IMPG1: variants seen among roughly 807,000 people sequenced by gnomAD.
The protein encoded by IMPG1 is interphotoreceptor matrix proteoglycan of 150 kDa.
Under a neutral mutation model 92.0 loss-of-function variants are expected in IMPG1, and 85 were observed. That is an observed-to-expected ratio of 0.92 (90% CI 0.78 to 1.11). The LOEUF is 1.11. Ranked by LOEUF, IMPG1 falls within the 50% of genes least tolerant of loss-of-function variation. The pLI, the probability that IMPG1 is intolerant of heterozygous loss-of-function variation, is 0.00. For synonymous variants in IMPG1, 367 were observed against 334.1 expected, an observed-to-expected ratio of 1.10 and a Z score of -1.08; for missense variants, 1,022 against 956.0, an observed-to-expected ratio of 1.07 and a Z score of -0.91.
chr6:75,928,261 G>T (rs1010492445), intron 15 of IMPG1, among the ~76,000 whole-genome samples: 2 of 151,380 alleles, frequency 1.3e-5, no homozygotes, highest in African/African-American at 4.9e-5. Flanking sequence ...GTGCAATGGC[G>T]TGATCTTGGC....
Position 76,042,123 on chromosome 6 carries a change from A to T in IMPG1, c.71T>A (p.Ile24Asn), listed in dbSNP as rs751369259. The change falls in exon 2 of 17, where the codon ATC becomes AAC. Residue 24 changes from isoleucine (I) to asparagine (N), a missense_variant. By Grantham distance (149) the Ile-to-Asn change is moderately radical. Transcript: ENST00000369950. Reference sequence around the variant, plus strand: ...TTCAGAATGGTATATGTTAATGGAGATATCTGTAAAAGAAAGATTGATATC... The same window carrying T: ...TTCAGAATGGTATATGTTAATGGAGTTATCTGTAAAAGAAAGATTGATATC... Reference protein sequence around the residue: ...IFLQVQGTKDISINIYHSETK... With the variant: ...IFLQVQGTKDNSINIYHSETK... 2 of 1,468,038 alleles carry T rather than the reference A, an allele frequency of 1.4e-6. No homozygotes were observed. Among genetic ancestry groups the T allele is most frequent in the Non-Finnish European group, 9.5e-7 (1 of 1,047,516 alleles). 90.9% of individuals were successfully genotyped at this position (1,468,038 alleles called of 1,614,324 possible). A position where few individuals can be genotyped will look rare whatever the true frequency, so the allele number is the denominator to read the frequency against.
At position 75,965,606 on chromosome 6, in the gene IMPG1, C is replaced by CTTTTTT. The variant is rs35490140; in HGVS notation, c.1292-14518_1292-14513dup. ...TGTTTATATTTTCTACATACTTGTT[C>CTTTTTT]TTTTTTTTTTTTTTTTTTTGAGACG... is the stretch of plus-strand genomic sequence containing the variant. On this transcript the variant is annotated intron_variant, in intron 12 of 16. Transcript: ENST00000369950. Among the ~76,000 whole-genome samples the CTTTTTT allele has an allele frequency of 4.4e-4, 50 of 112,494 alleles. 2 individuals are homozygous for CTTTTTT. The highest frequency in any genetic ancestry group is 5.7e-4 in the Admixed American group (5 of 8,774). 73.8% of individuals were successfully genotyped at this position (112,494 alleles called of 152,430 possible).
At chr6:76,055,496 A>T (rs1784106134) in intron 1 of IMPG1, among the ~76,000 whole-genome samples, 1 of 151,630 alleles carries the variant, frequency 6.6e-6, no homozygotes, top group Non-Finnish European at 1.5e-5. Context: ...ATCTTAAAAG[A>T]GTGGTGTAAG....
chr6:76,025,461 AATGGTTATGTTTG>A (rs1783508663), intron 4 of IMPG1, among the ~76,000 whole-genome samples: 2 of 152,262 alleles, frequency 1.3e-5, no homozygotes, highest in South Asian at 4.2e-4. Flanking sequence ...AACTCTCCAA[AATGGTTATGTTTG>A]ACTCCAGTGT....
chr6:75,998,675 AC>A (rs1358261295), intron 12 of IMPG1, among the ~76,000 whole-genome samples: 7 of 152,200 alleles, frequency 4.6e-5, no homozygotes, highest in Non-Finnish European at 7.3e-5. Flanking sequence ...CTCCTGATAG[AC>A]CAGATGATCA....
chr6:76,072,036 C>G (rs1027941825), intron 1 of IMPG1, among the ~76,000 whole-genome samples: 1 of 151,894 alleles, frequency 6.6e-6, no homozygotes, highest in South Asian at 2.1e-4. Flanking sequence ...TTTTGTCTGA[C>G]CATAAATGAC....
rs72674547 is a variant in IMPG1 at position 75,927,789 on chromosome 6, T to G, written c.2243+3164A>C. On this transcript the variant is annotated intron_variant, in intron 15 of 16. Coordinates refer to ENST00000369950, the MANE Select transcript of IMPG1 (RefSeq NM_001563.4). ...ATCTATTGCCCAGCATCTAGCAGGG[T>G]GCCTGGCACATGGTGCTCAAAAATG... 0.011 allele frequency among the ~76,000 whole-genome samples: 1,424 copies of G among 128,740 alleles called. 81 individuals carry two copies. In the East Asian group the frequency reaches 0.24, roughly 22 times the overall value. 84.5% of individuals were successfully genotyped at this position (128,740 alleles called of 152,430 possible). A position where few individuals can be genotyped will look rare whatever the true frequency, so the allele number is the denominator to read the frequency against.
chr6:75,952,568 C>A (rs1782050419), intron 12 of IMPG1, among the ~76,000 whole-genome samples: 1 of 152,104 alleles, frequency 6.6e-6, no homozygotes, highest in Non-Finnish European at 1.5e-5. Flanking sequence ...AATAATGTTA[C>A]CTAATATCTA....
At chr6:76,015,113 A>C (rs1476530042) in intron 7 of IMPG1, among the ~76,000 whole-genome samples, 1 of 152,224 alleles carries the variant, frequency 6.6e-6, no homozygotes, top group African/African-American at 2.4e-5. Context: ...AGCTGTGTTG[A>C]GTTTTCATGA....
intron 12 of IMPG1, among the ~76,000 whole-genome samples, chr6:75,996,088 T>C (rs1249804104): frequency 1.3e-5 from 2 of 152,182 alleles, no homozygotes; most frequent in African/African-American, 2.4e-5. Flanking sequence ...CATAAAGAGT[T>C]TGCTTGAATC....
chr6:76,014,809 A>G (rs1256552395), intron 7 of IMPG1, among the ~76,000 whole-genome samples: 2 of 152,162 alleles, frequency 1.3e-5, no homozygotes, highest in Non-Finnish European at 1.5e-5. Context: ...GGAGGGCTCC[A>G]TGGCATTGGC....
chr6:76,039,493 T>A (rs1169116156), intron 2 of IMPG1, among the ~76,000 whole-genome samples: 1 of 152,100 alleles, frequency 6.6e-6, no homozygotes, highest in Non-Finnish European at 1.5e-5. Context: ...GTTGCTGGGA[T>A]TACAGGCGTG....
At chr6:75,945,576 C>T (rs1362945412) in intron 14 of IMPG1, among the ~76,000 whole-genome samples, 3 of 152,098 alleles carry the variant, frequency 2.0e-5, no homozygotes, top group Non-Finnish European at 2.9e-5. Context: ...ATTTCGAACT[C>T]CTGACCTCAA....
intron 12 of IMPG1, among the ~76,000 whole-genome samples, chr6:75,969,772 AG>A (rs1782373717): frequency 6.6e-5 from 10 of 151,994 alleles, no homozygotes; most frequent in South Asian, 6.2e-4. Flanking sequence ...ACAGCACAAA[AG>A]CTTCTTGGTT....
At chr6:76,021,969 A>T in intron 6 of IMPG1, 147 bp downstream of exon 6, 1 of 465,864 alleles carries the variant, frequency 2.1e-6, no homozygotes, top group South Asian at 1.8e-5. Flanking sequence ...AATAAAGAAT[A>T]GAACAAAGTC....
At chr6:75,949,432 G>T (rs1358435417) in intron 13 of IMPG1, among the ~76,000 whole-genome samples, 1 of 152,152 alleles carries the variant, frequency 6.6e-6, no homozygotes, top group Non-Finnish European at 1.5e-5. Flanking sequence ...ACCCTATATG[G>T]TCTAAAAAGG....
At chr6:76,034,933 A>C in intron 2 of IMPG1, 146 bp from the exon 3 acceptor site, 1 of 671,370 alleles carries the variant, frequency 1.5e-6, no homozygotes, top group East Asian at 2.7e-5. Context: ...TTTAACAAAT[A>C]TTTATTGAGT....
intron 1 of IMPG1, among the ~76,000 whole-genome samples, chr6:76,045,052 G>A (rs566421679): frequency 2.0e-5 from 3 of 152,238 alleles, no homozygotes; most frequent in African/African-American, 7.2e-5. Context: ...ACACAGCTGG[G>A]GGTCTACAAG....
intron 1 of IMPG1, among the ~76,000 whole-genome samples, chr6:76,066,808 CAAGA>C (rs1235805500): frequency 6.6e-6 from 1 of 151,980 alleles, no homozygotes; most frequent in African/African-American, 2.4e-5. Flanking sequence ...GACCACAAAA[CAAGA>C]ATCAATAAAT....
Sources: gnomAD v4.1 joint callset for allele counts (sites outside exome capture counted in the v4.1 genomes callset) on GRCh38, gnomAD v4.1.1 for gene constraint, MANE v1.5 for transcripts, NCBI Gene and HGNC (gene_info 2026-07-23, HGNC 2026-07-21) for gene names.